MTMR14: variants seen among roughly 807,000 people sequenced by gnomAD.
MTMR14 encodes the protein phosphatidylinositol-3,5-bisphosphate 3-phosphatase MTMR14.
A neutral mutation model predicts 86.3 loss-of-function variants in MTMR14; 48 were observed. That is an observed-to-expected ratio of 0.56 (90% CI 0.44 to 0.71). The LOEUF (loss-of-function observed/expected upper bound fraction) is 0.71. MTMR14 is among the 30% of genes least tolerant of loss of function. The probability of loss-of-function intolerance (pLI) is 0.00; values close to 1 mark genes in which losing one functional copy is unlikely to be tolerated. For synonymous variants in MTMR14, 366 were observed against 326.1 expected (o/e 1.12, Z -1.32); for missense variants, 780 against 834.6 (o/e 0.93, Z 0.81).
intron 2 of MTMR14, among the ~76,000 whole-genome samples, chr3:9,660,096 C>A (rs556052595): frequency 2.6e-5 from 4 of 152,086 alleles, no homozygotes; most frequent in Admixed American, 2.6e-4. Flanking sequence ...TAAAGGTGCT[C>A]GGTTTTATAT....
intron 9 of MTMR14, among the ~76,000 whole-genome samples, chr3:9,681,723 C>G (rs2075774625): frequency 6.6e-6 from 1 of 152,200 alleles, no homozygotes; most frequent in African/African-American, 2.4e-5. Flanking sequence ...TCGGTCATCA[C>G]TTTGAGCAGT....
At chr3:9,699,104 G>A (rs1476759058) in intron 18 of MTMR14, among the ~76,000 whole-genome samples, 3 of 151,606 alleles carry the variant, frequency 2.0e-5, no homozygotes, top group Admixed American at 1.3e-4. Flanking sequence ...CCTGGGAAGC[G>A]GAGGTTGCCG....
chr3:9,685,364 T>C lies in MTMR14; in HGVS notation c.1164+117T>C, dbSNP rs893849195. 6 of 1,268,686 alleles carry C rather than the reference T, an allele frequency of 4.7e-6. No homozygotes were observed. In the African/African-American group the frequency reaches 8.8e-5, roughly 19 times the overall value. The allele number at this position is 1,268,686 out of a possible 1,614,324, so 78.6% of individuals were successfully genotyped here. ...TCCTTGCCCCAGGTGTGCAGGGATG[T>C]GGCCCCCTGTCATCTCCTCCTGAGG... On this transcript the variant is annotated intron_variant, in intron 13 of 18. Coordinates refer to ENST00000296003, the MANE Select transcript of MTMR14 (RefSeq NM_001077525.3).
chr3:9,653,591 C>G (rs1330004732), intron 1 of MTMR14, 30 bp from the exon 2 acceptor site: 1 of 1,613,950 alleles, frequency 6.2e-7, no homozygotes, highest in Non-Finnish European at 8.5e-7. Context: ...CCAGAATTCT[C>G]TTTGTGTTCT....
intron 7 of MTMR14, chr3:9,675,637 C>T (rs781445896): frequency 2.2e-6 from 1 of 457,310 alleles, no homozygotes; most frequent in African/African-American, 2.0e-5. Flanking sequence ...TGGTCCCTCT[C>T]CTCTTGCCTG....
chr3:9,702,135 CAG>C lies in MTMR14; in HGVS notation c.*163_*164del, dbSNP rs1382527896. On this transcript the variant is annotated 3_prime_UTR_variant, in exon 19 of 19. Transcript: ENST00000296003. ...CCCCAAAGCTGAGCAAGGCCAAAGA[CAG>C]GGTTTTCCAACCCCCAGCCTCTTGA... 3 of 890,724 alleles carry C rather than the reference CAG, an allele frequency of 3.4e-6. No homozygotes were observed. The highest frequency in any genetic ancestry group is 2.0e-5 in the Admixed American group (1 of 48,808). The allele number at this position is 890,724 out of a possible 1,614,324, so 55.2% of individuals were successfully genotyped here. A position where few individuals can be genotyped will look rare whatever the true frequency, so the allele number is the denominator to read the frequency against.
intron 2 of MTMR14, among the ~76,000 whole-genome samples, chr3:9,658,531 G>T (rs2047739043): frequency 6.6e-6 from 1 of 152,230 alleles, no homozygotes; most frequent in Non-Finnish European, 1.5e-5. Flanking sequence ...GTTAATAAAA[G>T]CTGGAATTAG....
Position 9,677,366 on chromosome 3 carries a change from G to T in MTMR14, c.801G>T (p.Gly267=), listed in dbSNP as rs1315576001. ...EYKDRDYMAE[G]LIFNWKQDYV... ...AAGATCGGGATTACATGGCAGAAGG[G>T]CTCATATTTAACTGGAAGCAGGTAT... The change falls in exon 8 of 19, where the codon GGG becomes GGT. Residue 267 remains glycine (G), a synonymous_variant. Transcript: ENST00000296003. This position sits in a 1 kb window ranked among gnomAD's most constrained non-coding sequence, Gnocchi z 4.2. 6.2e-7 allele frequency: 1 copy of T among 1,614,072 alleles called. No homozygotes were observed. Among genetic ancestry groups the T allele is most frequent in the Admixed American group, 1.7e-5 (1 of 60,010 alleles).
intron 7 of MTMR14, among the ~76,000 whole-genome samples, chr3:9,676,624 G>A (rs1022626807): frequency 3.3e-5 from 5 of 152,330 alleles, no homozygotes; most frequent in East Asian, 1.9e-4. Flanking sequence ...CTTGTTCAGC[G>A]TTACAGTGTT....
intron 1 of MTMR14, chr3:9,650,299 T>C: frequency 2.2e-6 from 1 of 456,638 alleles, no homozygotes; most frequent in South Asian, 1.5e-5. Context: ...TCCGTTCCTC[T>C]TTTTGCTCCC....
rs1231625837 is a variant in MTMR14 at position 9,662,184 on chromosome 3, T to TGG, written c.309-79_309-78dup. 684 of 944,714 alleles carry TGG rather than the reference T, an allele frequency of 7.2e-4. 4 individuals are homozygous for TGG. The highest frequency in any genetic ancestry group is 2.9e-4 in the Middle Eastern group (1 of 3,506). The allele number at this position is 944,714 out of a possible 1,614,324, so 58.5% of individuals were successfully genotyped here. A position where few individuals can be genotyped will look rare whatever the true frequency, so the allele number is the denominator to read the frequency against. ...AAGCATTATGTACACAGATCTAGTATGGGGGTCTGTGTGAATAAACACATA... is the reference window on the plus strand; with the variant it reads ...AAGCATTATGTACACAGATCTAGTATGGGGGGGTCTGTGTGAATAAACACATA... On this transcript the variant is annotated intron_variant, in intron 2 of 18. Transcript: ENST00000296003.
At chr3:9,662,094 AATAG>A (rs1312459089) in intron 2 of MTMR14, among the ~76,000 whole-genome samples, 169 bp from the exon 3 acceptor site, 10 of 151,594 alleles carry the variant, frequency 6.6e-5, no homozygotes, top group East Asian at 5.8e-4. Flanking sequence ...GTCTCAAAAA[AATAG>A]ATAGATAGAC....
At chr3:9,691,190 C>G (rs1279220801) in intron 17 of MTMR14, among the ~76,000 whole-genome samples, 1 of 152,206 alleles carries the variant, frequency 6.6e-6, no homozygotes, top group African/African-American at 2.4e-5. Flanking sequence ...ATGTGCTCAC[C>G]CCTGCGTGAA....
chr3:9,651,494 T>G (rs1406775062), intron 1 of MTMR14, among the ~76,000 whole-genome samples: 1 of 152,210 alleles, frequency 6.6e-6, no homozygotes, highest in Non-Finnish European at 1.5e-5. Flanking sequence ...TAGCATAAGT[T>G]ACACCTCATA....
intron 2 of MTMR14, among the ~76,000 whole-genome samples, chr3:9,654,878 A>AGC (rs2047507960): frequency 4.6e-5 from 7 of 152,364 alleles, no homozygotes; most frequent in Admixed American, 1.3e-4. Context: ...GCCGTAGGCC[A>AGC]ACTGGGGAAA....
Position 9,662,373 on chromosome 3 carries a change from A to G in MTMR14, c.415A>G (p.Lys139Glu). Residue 139 changes from lysine (K) to glutamate (E), a missense_variant and splice_region_variant, in exon 3 of 19, where the codon AAG (lysine) becomes GAG (glutamate). By Grantham distance (56) the Lys-to-Glu change is moderately conservative. Coordinates refer to ENST00000296003, the MANE Select transcript of MTMR14 (RefSeq NM_001077525.3). ...FVCPVILFKGKHICRSATLAG... is the reference protein window; with the variant it reads ...FVCPVILFKGEHICRSATLAG... ...CTGCCCAGTAATCCTGTTCAAGGGC[A>G]AGGTAAGGCCCATACCATAGCTTCA... 1.2e-6 allele frequency: 2 copies of G among 1,612,504 alleles called. No individual in the cohort carries two copies. The highest frequency in any genetic ancestry group is 1.7e-6 in the Non-Finnish European group (2 of 1,178,914).
At chr3:9,673,713 G>A (rs981817623) in intron 7 of MTMR14, among the ~76,000 whole-genome samples, 3 of 152,066 alleles carry the variant, frequency 2.0e-5, no homozygotes, top group African/African-American at 7.3e-5. Context: ...CCCAGCCCTA[G>A]CACTGTGTCT....
intron 3 of MTMR14, among the ~76,000 whole-genome samples, chr3:9,666,160 GTC>G (rs34553615): frequency 0.026 from 3,341 of 130,686 alleles, 134 homozygotes; most frequent in African/African-American, 0.092. Context: ...TTTTGAGACA[GTC>G]TCTCTCCGTT....
chr3:9,696,547 T>C (rs1436244488), intron 17 of MTMR14, among the ~76,000 whole-genome samples: 1 of 152,208 alleles, frequency 6.6e-6, no homozygotes, highest in African/African-American at 2.4e-5. Context: ...CTAGCTGTGA[T>C]ACCTCAAGCA....
Sources: allele counts gnomAD v4.1 joint callset (sites outside exome capture counted in the v4.1 genomes callset), GRCh38; gene constraint gnomAD v4.1.1; non-coding constraint Gnocchi (gnomAD v3.1); transcripts MANE v1.5; gene names NCBI Gene and HGNC (gene_info 2026-07-23, HGNC 2026-07-21).